The following LDB2 variants were observed in gnomAD, a reference collection of about 807,000 sequenced individuals.
LDB2 encodes LIM domain binding 2.
Under a neutral mutation model 44.3 loss-of-function variants are expected in LDB2, and 12 were observed. The ratio of observed to expected loss-of-function variants is 0.27; its 90% CI spans 0.17 to 0.44. The LOEUF is 0.44. Ranked by LOEUF, LDB2 falls within the 20% of genes least tolerant of loss-of-function variation. The pLI is 1.00. For synonymous variants in LDB2, 164 were observed against 174.8 expected, an observed-to-expected ratio of 0.94 and a Z score of 0.49; for missense variants, 344 against 473.5, an observed-to-expected ratio of 0.73 and a Z score of 2.54.
In LDB2 at chr4:16,854,665, T is replaced by G. The variant is rs367690977; in HGVS notation, c.132+43689A>C. ...ATTTATAAGTAATATACTTTACGTC[T>G]ATATATATGTTATATATAACTATTA... On this transcript the variant is annotated intron_variant, in intron 1 of 7. Coordinates refer to ENST00000304523, the MANE Select transcript of LDB2 (RefSeq NM_001290.5). Among the ~76,000 whole-genome samples, 33 of 150,584 alleles carry G rather than the reference T, an allele frequency of 2.2e-4. No individual in the cohort carries two copies. The East Asian group carries it at 6.2e-3, about 28-fold the overall frequency.
chr4:16,823,067 C>A (rs773831161), intron 1 of LDB2, among the ~76,000 whole-genome samples: 1 of 152,166 alleles, frequency 6.6e-6, no homozygotes, highest in Non-Finnish European at 1.5e-5. Flanking sequence ...ACTCCTCCTG[C>A]CAGGATTCAC....
chr4:16,509,640 A>T (rs1478327341), intron 6 of LDB2, among the ~76,000 whole-genome samples: 18 of 152,178 alleles, frequency 1.2e-4, no homozygotes, highest in Admixed American at 1.2e-3. Context: ...CTATTATTGT[A>T]ATCTTTGTTT....
chr4:16,535,203 C>T (rs1731399675), intron 5 of LDB2, among the ~76,000 whole-genome samples: 1 of 152,186 alleles, frequency 6.6e-6, no homozygotes, highest in Non-Finnish European at 1.5e-5. Context: ...GAGCTAACCA[C>T]TCTCACAGGC....
chr4:16,878,058 T>A (rs1362148500), intron 1 of LDB2, among the ~76,000 whole-genome samples: 1 of 152,162 alleles, frequency 6.6e-6, no homozygotes, highest in African/African-American at 2.4e-5. Context: ...AAAAGGATGT[T>A]GAACAAACTT....
intron 7 of LDB2, among the ~76,000 whole-genome samples, chr4:16,507,855 T>C (rs887758388): frequency 1.3e-5 from 2 of 152,206 alleles, no homozygotes; most frequent in Admixed American, 1.3e-4. Flanking sequence ...AGAAAGTTCC[T>C]GTGCAGTTTT....
intron 5 of LDB2, among the ~76,000 whole-genome samples, chr4:16,539,040 A>G (rs1368947050): frequency 6.6e-6 from 1 of 152,198 alleles, no homozygotes; most frequent in African/African-American, 2.4e-5. Flanking sequence ...AGATGCTTGT[A>G]AGCTAATCAG....
intron 1 of LDB2, among the ~76,000 whole-genome samples, chr4:16,838,077 T>C (rs1785206882): frequency 1.3e-5 from 2 of 152,358 alleles, no homozygotes; most frequent in Admixed American, 1.3e-4. Flanking sequence ...AAAGCTTGAC[T>C]TGATTTGCAT....
intron 5 of LDB2, among the ~76,000 whole-genome samples, chr4:16,552,752 C>G (rs1165890443): frequency 6.6e-6 from 1 of 152,166 alleles, no homozygotes; most frequent in Non-Finnish European, 1.5e-5. Context: ...ACCACAGATC[C>G]ATAAAGATTT....
intron 2 of LDB2, among the ~76,000 whole-genome samples, chr4:16,603,213 C>T (rs113603690): frequency 1.1e-4 from 17 of 152,300 alleles, no homozygotes; most frequent in Admixed American, 4.6e-4. Context: ...GACTTCTTAA[C>T]ATGAATCAAA....
intron 7 of LDB2, chr4:16,506,802 T>G (rs1719662213): frequency 6.6e-6 from 1 of 152,224 alleles, no homozygotes; most frequent in Admixed American, 6.5e-5. Flanking sequence ...TGTGGGCACA[T>G]AGTAGGAGCT....
At chr4:16,765,649 AGAT>A (rs373960367) in intron 1 of LDB2, among the ~76,000 whole-genome samples, 16 of 152,232 alleles carry the variant, frequency 1.1e-4, no homozygotes, top group African/African-American at 3.9e-4. Context: ...TGGACTAAAC[AGAT>A]GATAAGGCCC....
At chr4:16,866,401 TAAGAA>T (rs1714716521) in intron 1 of LDB2, among the ~76,000 whole-genome samples, 1 of 152,182 alleles carries the variant, frequency 6.6e-6, no homozygotes, top group African/African-American at 2.4e-5. Context: ...AGAATGCATT[TAAGAA>T]AATAAATACA....
chr4:16,884,306 A>T (rs1247312545), intron 1 of LDB2, among the ~76,000 whole-genome samples: 1 of 152,160 alleles, frequency 6.6e-6, no homozygotes, highest in Non-Finnish European at 1.5e-5. Context: ...CTGTTGTCTC[A>T]TTTTGCAGAT....
rs546650302 is a variant in LDB2 at position 16,848,118 on chromosome 4, G to A, written c.132+50236C>T. Among the ~76,000 whole-genome samples the A allele has an allele frequency of 6.6e-5, 10 of 152,248 alleles. No individual in the cohort carries two copies. In the South Asian group the frequency reaches 2.1e-3, roughly 32 times the overall value. On this transcript the variant is annotated intron_variant, in intron 1 of 7. Transcript: ENST00000304523. ...TTTTGAAATCCAGCTACTTGTCTCT[G>A]TTTTTCTTACACTCTACAGTAAGTA...
At position 16,671,551 on chromosome 4, in the gene LDB2, A is replaced by G. The variant is rs1004738875; in HGVS notation, c.236-75676T>C. ...CAGCAGCTCAGCCAATTCCCCAGAG[A>G]GTGAAACAAACCAATAATTAGAATC... is the stretch of plus-strand genomic sequence containing the variant. On this transcript the variant is annotated intron_variant, in intron 2 of 7. Coordinates refer to ENST00000304523, the MANE Select transcript of LDB2 (RefSeq NM_001290.5). 5.3e-5 allele frequency among the ~76,000 whole-genome samples: 8 copies of G among 152,242 alleles called. No homozygotes were observed. In the East Asian group the frequency reaches 1.5e-3, roughly 29 times the overall value.
intron 1 of LDB2, among the ~76,000 whole-genome samples, chr4:16,849,931 AC>A (rs1787849710): frequency 6.6e-6 from 1 of 152,190 alleles, no homozygotes; most frequent in African/African-American, 2.4e-5. Flanking sequence ...TGATTTAAAA[AC>A]AAAACTGTGA....
At chr4:16,686,940 C>G (rs2152574283) in intron 2 of LDB2, among the ~76,000 whole-genome samples, 2 of 152,220 alleles carry the variant, frequency 1.3e-5, no homozygotes, top group Middle Eastern at 6.8e-3. Flanking sequence ...TTCTTAGTCT[C>G]TTTGGTCTCT....
chr4:16,592,501 TATATAC>T (rs1413419790), intron 3 of LDB2, among the ~76,000 whole-genome samples: 2 of 133,378 alleles, frequency 1.5e-5, no homozygotes, highest in Admixed American at 7.4e-5. Context: ...TATATATATA[TATATAC>T]ACACACACAC....
intron 1 of LDB2, among the ~76,000 whole-genome samples, chr4:16,809,636 T>C (rs1779417706): frequency 6.6e-6 from 1 of 152,164 alleles, no homozygotes; most frequent in African/African-American, 2.4e-5. Flanking sequence ...CTTCTAGGCA[T>C]ACAGTGACTA....
Sources: gnomAD v4.1 joint callset for allele counts (sites outside exome capture counted in the v4.1 genomes callset) on GRCh38, gnomAD v4.1.1 for gene constraint, MANE v1.5 for transcripts, NCBI Gene and HGNC (gene_info 2026-07-23, HGNC 2026-07-21) for gene names.